Variants in PITPNC1 observed in about 807,000 individuals in gnomAD.
PITPNC1 encodes the protein phosphatidylinositol transfer protein cytoplasmic 1.
PITPNC1 carries 18 observed loss-of-function variants against 44.7 expected under a neutral mutation model. The ratio of observed to expected loss-of-function variants is 0.40; its 90% CI spans 0.28 to 0.60. The LOEUF (loss-of-function observed/expected upper bound fraction) is 0.60. Ranked by LOEUF, PITPNC1 falls within the 20% of genes least tolerant of loss-of-function variation. PITPNC1 has a pLI of 0.39. For synonymous variants in PITPNC1, 141 were observed against 149.6 expected (o/e 0.94, Z 0.42); for missense variants, 290 against 418.4 (o/e 0.69, Z 2.68).
chr17:67,684,605 T>C (rs963043029), intron 8 of PITPNC1, among the ~76,000 whole-genome samples: 1 of 152,186 alleles, frequency 6.6e-6, no homozygotes, highest in African/African-American at 2.4e-5. Context: ...ATGTAGATAA[T>C]GGTTTTCTGA....
chr17:67,444,078 C>T (rs1428563106), intron 1 of PITPNC1, among the ~76,000 whole-genome samples: 1 of 152,042 alleles, frequency 6.6e-6, no homozygotes, highest in Non-Finnish European at 1.5e-5. Flanking sequence ...GATGAACCCA[C>T]ATGTACCCAT....
chr17:67,387,954 C>G (rs968515330), intron 1 of PITPNC1, among the ~76,000 whole-genome samples: 1 of 152,122 alleles, frequency 6.6e-6, no homozygotes, highest in African/African-American at 2.4e-5. Context: ...CTGCAGTGCT[C>G]AAGGACCATG....
chr17:67,566,348 C>T (rs561511422), intron 4 of PITPNC1, among the ~76,000 whole-genome samples: 2 of 152,210 alleles, frequency 1.3e-5, no homozygotes, highest in Non-Finnish European at 2.9e-5. Context: ...GGATGACAGG[C>T]GTGCACCACC....
intron 2 of PITPNC1, among the ~76,000 whole-genome samples, chr17:67,538,599 CTAAA>C (rs772716688): frequency 1.6e-3 from 239 of 151,680 alleles, no homozygotes; most frequent in African/African-American, 5.2e-3. Context: ...GACCCTGTCT[CTAAA>C]TAAATAAATA....
At chr17:67,379,187 G>A in intron 1 of PITPNC1, 1 of 985,788 alleles carries the variant, frequency 1.0e-6, no homozygotes, top group Non-Finnish European at 1.2e-6. Context: ...ACTCACTAGT[G>A]TGGTTTGGTG....
At position 67,624,218 on chromosome 17, in the gene PITPNC1, T is replaced by TTC. The variant is rs1555573650; in HGVS notation, c.367-7924_367-7923insCT. 9.5e-5 allele frequency among the ~76,000 whole-genome samples: 14 copies of TTC among 147,546 alleles called. No individual in the cohort carries two copies. The East Asian group carries it at 2.5e-3, about 27-fold the overall frequency. The stretch of plus-strand genomic sequence containing the variant: ...TTCTTTTTCTTTCTTTCTTTTCTTT[T>TTC]TTTTTTTTTTTTCCTCAGGGTTTCA... On this transcript the variant is annotated intron_variant, in intron 5 of 8. Transcript: ENST00000581322.
At chr17:67,544,687 A>T (rs2040654322) in intron 2 of PITPNC1, among the ~76,000 whole-genome samples, 1 of 152,152 alleles carries the variant, frequency 6.6e-6, no homozygotes, top group African/African-American at 2.4e-5. Flanking sequence ...TAAAGCTTTC[A>T]TAAGTCATGA....
At chr17:67,416,095 C>T (rs969203732) in intron 1 of PITPNC1, among the ~76,000 whole-genome samples, 2 of 151,080 alleles carry the variant, frequency 1.3e-5, no homozygotes, top group African/African-American at 4.9e-5. Flanking sequence ...TGACTGGAGT[C>T]TTACGGACCC....
intron 5 of PITPNC1, among the ~76,000 whole-genome samples, chr17:67,609,158 A>T (rs1295914632): frequency 6.6e-6 from 1 of 151,068 alleles, no homozygotes; most frequent in Non-Finnish European, 1.5e-5. Context: ...CACTGTGCAC[A>T]GCCTTCCCTG....
intron 6 of PITPNC1, among the ~76,000 whole-genome samples, chr17:67,642,463 A>G (rs1163596565): frequency 1.3e-5 from 2 of 152,102 alleles, no homozygotes; most frequent in Non-Finnish European, 2.9e-5. Flanking sequence ...CCTTTCATGA[A>G]CAAATTGCCC....
intron 4 of PITPNC1, among the ~76,000 whole-genome samples, chr17:67,562,848 G>A (rs546662232): frequency 1.3e-4 from 20 of 152,326 alleles, no homozygotes; most frequent in South Asian, 8.3e-4. Flanking sequence ...CCTTCCAAGC[G>A]TGGGGTAAAA....
At chr17:67,501,214 C>T (rs1403519958) in intron 1 of PITPNC1, among the ~76,000 whole-genome samples, 2 of 152,130 alleles carry the variant, frequency 1.3e-5, no homozygotes, top group East Asian at 1.9e-4. Flanking sequence ...CATCGCAGTT[C>T]GAGTGAATTC....
rs79602275 is a variant in PITPNC1, at chr17:67,393,129, C to CA, written c.48+14942dup. 3.9e-3 allele frequency among the ~76,000 whole-genome samples: 377 copies of CA among 96,522 alleles called. 1 individual carries two copies. Among genetic ancestry groups the CA allele is most frequent in the Middle Eastern group, 0.025 (4 of 160 alleles). The allele number at this position is 96,522 out of a possible 152,430, so 63.3% of individuals were successfully genotyped here. ...TGGGCTACAGAGCAAGACTCCACCT[C>CA]AAAAAAAAAAAAAAAGCAGAAAAAT... On this transcript the variant is annotated intron_variant, in intron 1 of 8. Coordinates refer to ENST00000581322, the MANE Select transcript of PITPNC1 (RefSeq NM_012417.4).
At chr17:67,520,458 C>T (rs926390335) in intron 1 of PITPNC1, among the ~76,000 whole-genome samples, 6 of 152,176 alleles carry the variant, frequency 3.9e-5, no homozygotes, top group African/African-American at 1.2e-4. Flanking sequence ...ACTTGAGTTG[C>T]GATCGGTTTC....
intron 7 of PITPNC1, among the ~76,000 whole-genome samples, chr17:67,672,232 C>T (rs1367970557): frequency 6.6e-6 from 1 of 152,064 alleles, no homozygotes; most frequent in Non-Finnish European, 1.5e-5. Flanking sequence ...CCATGCCCGG[C>T]TTCATAGTGT....
intron 6 of PITPNC1, among the ~76,000 whole-genome samples, chr17:67,647,109 A>G (rs1286374290): frequency 6.6e-6 from 1 of 152,152 alleles, no homozygotes; most frequent in Admixed American, 6.5e-5. Context: ...GTATGTAGAA[A>G]AAGAAGGGCC....
intron 2 of PITPNC1, among the ~76,000 whole-genome samples, chr17:67,543,261 C>T (rs2040633071): frequency 1.3e-5 from 2 of 152,210 alleles, no homozygotes; most frequent in Admixed American, 1.3e-4. Context: ...AGCACCGCAG[C>T]TGCCCTGAGT....
chr17:67,405,176 G>A (rs1187320798), intron 1 of PITPNC1, among the ~76,000 whole-genome samples: 2 of 152,054 alleles, frequency 1.3e-5, no homozygotes, highest in Admixed American at 6.6e-5. Context: ...GAACCCAGGA[G>A]TTGGAGGTTG....
intron 2 of PITPNC1, among the ~76,000 whole-genome samples, chr17:67,550,048 G>A (rs778737085): frequency 5.3e-5 from 8 of 152,236 alleles, no homozygotes; most frequent in South Asian, 2.1e-4. Flanking sequence ...CACTGTCAGC[G>A]TCACCTGAGT....
Sources: gnomAD v4.1 joint callset for allele counts (sites outside exome capture counted in the v4.1 genomes callset) on GRCh38, gnomAD v4.1.1 for gene constraint, MANE v1.5 for transcripts, NCBI Gene and HGNC (gene_info 2026-07-23, HGNC 2026-07-21) for gene names.